IMMP2L: variants seen among roughly 807,000 people sequenced by gnomAD.
The protein encoded by IMMP2L is inner mitochondrial membrane peptidase subunit 2.
Under a neutral mutation model 19.3 loss-of-function variants are expected in IMMP2L, and 18 were observed. That is an observed-to-expected ratio of 0.93 (90% CI 0.64 to 1.38). IMMP2L has a LOEUF of 1.38. Ranked by LOEUF, IMMP2L falls within the 40% of genes most tolerant of loss-of-function variation. IMMP2L has a pLI of 0.00. For missense variants in IMMP2L, 233 were observed against 218.2 expected, an observed-to-expected ratio of 1.07 and a Z score of -0.43; for synonymous variants, 76 against 73.0, an observed-to-expected ratio of 1.04 and a Z score of -0.21.
At chr7:111,404,879 T>C (rs1487156324) in intron 3 of IMMP2L, among the ~76,000 whole-genome samples, 1 of 152,116 alleles carries the variant, frequency 6.6e-6, no homozygotes, top group Non-Finnish European at 1.5e-5. Context: ...TTCTGGTGTC[T>C]GAACTCCAAA....
chr7:111,327,833 C>T (rs1825479284), intron 3 of IMMP2L, among the ~76,000 whole-genome samples: 1 of 151,400 alleles, frequency 6.6e-6, no homozygotes, highest in Admixed American at 6.6e-5. Flanking sequence ...GTACATAATA[C>T]AAGAAATTCT....
rs1362068942 is a variant in IMMP2L, at chr7:110,870,269, T to C, written c.408+16324A>G. ...TTTCATTCTCTTTTTTCCAAAGATG[T>C]CAGATGTCCTTCTTGTATACTTTCC... On this transcript the variant is annotated intron_variant, in intron 5 of 5. Transcript: ENST00000405709. This position sits in a 1 kb window ranked among gnomAD's most constrained non-coding sequence, Gnocchi z 4.2. Among the ~76,000 whole-genome samples, 1 of 152,126 alleles carries C rather than the reference T, an allele frequency of 6.6e-6. No individual in the cohort carries two copies. The highest frequency in any genetic ancestry group is 6.6e-5 in the Admixed American group (1 of 15,244).
intron 2 of IMMP2L, among the ~76,000 whole-genome samples, chr7:111,510,391 A>AATATAG (rs1303488775): frequency 6.6e-6 from 1 of 152,080 alleles, no homozygotes; most frequent in African/African-American, 2.4e-5. Context: ...CATATACATA[A>AATATAG]ATATAGATAT....
chr7:111,314,836 G>A (rs888658666), intron 3 of IMMP2L, among the ~76,000 whole-genome samples: 13 of 152,184 alleles, frequency 8.5e-5, no homozygotes, highest in Admixed American at 7.2e-4. Context: ...GGAGACCTAT[G>A]GAATATAATT....
chr7:111,463,717 A>G (rs1448124681), intron 3 of IMMP2L, among the ~76,000 whole-genome samples: 1 of 152,058 alleles, frequency 6.6e-6, no homozygotes, highest in Admixed American at 6.6e-5. Flanking sequence ...GTCCCTGGGC[A>G]CTTCACTATT....
At chr7:111,174,406 A>G (rs766460965) in intron 3 of IMMP2L, among the ~76,000 whole-genome samples, 13 of 151,606 alleles carry the variant, frequency 8.6e-5, no homozygotes, top group Non-Finnish European at 1.3e-4. Context: ...ACATACACAC[A>G]GGCATATTTA....
chr7:111,276,647 A>C (rs1399655114), intron 3 of IMMP2L, among the ~76,000 whole-genome samples: 4 of 151,898 alleles, frequency 2.6e-5, no homozygotes, highest in Non-Finnish European at 5.9e-5. Flanking sequence ...AACCGAAAAA[A>C]AAAAAAAAAG....
At chr7:110,778,196 A>G (rs1402866012) in intron 5 of IMMP2L, among the ~76,000 whole-genome samples, 1 of 151,992 alleles carries the variant, frequency 6.6e-6, no homozygotes, top group African/African-American at 2.4e-5. Flanking sequence ...GATATTTTAA[A>G]TAATTCTATT....
At chr7:110,721,778 G>A (rs896212602) in intron 5 of IMMP2L, among the ~76,000 whole-genome samples, 2 of 152,064 alleles carry the variant, frequency 1.3e-5, no homozygotes, top group Admixed American at 6.6e-5. Context: ...TAGAAAACTC[G>A]TGTGCTTACC....
intron 5 of IMMP2L, among the ~76,000 whole-genome samples, chr7:110,698,168 C>T (rs1173732692): frequency 6.6e-6 from 1 of 152,160 alleles, no homozygotes; most frequent in African/African-American, 2.4e-5. Context: ...TACCCAAACT[C>T]TCCACCATAG....
chr7:110,887,649 T>G (rs1810357058), intron 4 of IMMP2L, among the ~76,000 whole-genome samples: 1 of 151,144 alleles, frequency 6.6e-6, no homozygotes, highest in Admixed American at 6.6e-5. Context: ...GTTCAATAAA[T>G]TATGATACAA....
intron 5 of IMMP2L, among the ~76,000 whole-genome samples, chr7:110,886,288 C>A (rs1341880694): frequency 1.3e-5 from 2 of 151,844 alleles, no homozygotes; most frequent in Non-Finnish European, 2.9e-5. Flanking sequence ...ACAAAGTATT[C>A]CCGTGGGAGA....
intron 4 of IMMP2L, among the ~76,000 whole-genome samples, chr7:110,921,875 C>A (rs1445769033): frequency 1.3e-5 from 2 of 152,164 alleles, no homozygotes; most frequent in Non-Finnish European, 2.9e-5. Flanking sequence ...GATAACTTTT[C>A]AGAGCACTGC....
chr7:111,118,731 T>A (rs1034226037), intron 3 of IMMP2L, among the ~76,000 whole-genome samples: 1 of 152,110 alleles, frequency 6.6e-6, no homozygotes, highest in East Asian at 1.9e-4. Context: ...TAATGAAATA[T>A]CATAATCATT....
intron 3 of IMMP2L, among the ~76,000 whole-genome samples, chr7:111,189,411 A>T (rs1808630371): frequency 6.6e-6 from 1 of 151,842 alleles, no homozygotes; most frequent in African/African-American, 2.4e-5. Context: ...CTGCCAGAAA[A>T]GAAATTAGCT....
At chr7:111,505,191 G>A (rs1444785977) in intron 2 of IMMP2L, among the ~76,000 whole-genome samples, 2 of 151,652 alleles carry the variant, frequency 1.3e-5, no homozygotes, top group Non-Finnish European at 2.9e-5. Context: ...CTCAAAAGAA[G>A]ACATTTATGC....
In IMMP2L at chr7:111,533,095, A is replaced by T. The variant is rs1296341111; in HGVS notation, c.-2-11646T>A. Among the ~76,000 whole-genome samples, 4 of 152,264 alleles carry T rather than the reference A, an allele frequency of 2.6e-5. No individual in the cohort carries two copies. The East Asian group carries it at 5.8e-4, about 22-fold the overall frequency. ...AAAAGTAAAAATAAATATATAAATAAATAGAACAGCCAAGAGGCCAGAGTA... is the reference window on the plus strand; with the variant it reads ...AAAAGTAAAAATAAATATATAAATATATAGAACAGCCAAGAGGCCAGAGTA... On this transcript the variant is annotated intron_variant, in intron 1 of 5. Coordinates refer to ENST00000405709, the MANE Select transcript of IMMP2L (RefSeq NM_032549.4).
At chr7:111,331,520 T>C (rs561315683) in intron 3 of IMMP2L, among the ~76,000 whole-genome samples, 43 of 151,946 alleles carry the variant, frequency 2.8e-4, no homozygotes, top group African/African-American at 9.6e-4. Flanking sequence ...TAGTCAATAA[T>C]AGAGTACTGC....
chr7:110,816,619 C>G (rs925527009), intron 5 of IMMP2L, among the ~76,000 whole-genome samples: 13 of 151,348 alleles, frequency 8.6e-5, no homozygotes, highest in African/African-American at 3.2e-4. Context: ...TTGTAGGTCT[C>G]TAAGGACTTG....
Sources: allele counts gnomAD v4.1 joint callset (sites outside exome capture counted in the v4.1 genomes callset), GRCh38; gene constraint gnomAD v4.1.1; non-coding constraint Gnocchi (gnomAD v3.1); transcripts MANE v1.5; gene names NCBI Gene and HGNC (gene_info 2026-07-23, HGNC 2026-07-21).